FLT1: variants seen among roughly 807,000 people sequenced by gnomAD.
FLT1 encodes vascular endothelial growth factor receptor 1.
FLT1 carries 49 observed loss-of-function variants against 156.3 expected under a neutral mutation model. The ratio of observed to expected loss-of-function variants is 0.31; its 90% CI spans 0.25 to 0.40. The LOEUF (loss-of-function observed/expected upper bound fraction) is 0.40. Ranked by LOEUF, FLT1 falls within the 10% of genes least tolerant of loss-of-function variation. The pLI, the probability that FLT1 is intolerant of heterozygous loss-of-function variation, is 1.00. For synonymous variants in FLT1, 594 were observed against 583.8 expected, an observed-to-expected ratio of 1.02 and a Z score of -0.25; for missense variants, 1,322 against 1,637.2, an observed-to-expected ratio of 0.81 and a Z score of 3.32.
chr13:28,337,279 T>G (rs1872153448), intron 17 of FLT1, among the ~76,000 whole-genome samples: 1 of 152,196 alleles, frequency 6.6e-6, no homozygotes, highest in African/African-American at 2.4e-5. Flanking sequence ...TCACTAGGGC[T>G]GCTGATAGTA....
intron 10 of FLT1, among the ~76,000 whole-genome samples, chr13:28,426,423 A>C (rs998889852): frequency 3.3e-5 from 5 of 152,224 alleles, no homozygotes; most frequent in African/African-American, 1.2e-4. Flanking sequence ...TTCATTTAGC[A>C]AATATACACT....
chr13:28,310,838 A>G (rs1439230373), intron 27 of FLT1, among the ~76,000 whole-genome samples: 1 of 152,364 alleles, frequency 6.6e-6, no homozygotes, highest in African/African-American at 2.4e-5. Context: ...TAAGATAGAC[A>G]AGAAACTTAA....
At chr13:28,334,480 C>T (rs922489658) in intron 17 of FLT1, among the ~76,000 whole-genome samples, 3 of 152,154 alleles carry the variant, frequency 2.0e-5, no homozygotes, top group Non-Finnish European at 4.4e-5. Flanking sequence ...AGAAGACTTC[C>T]CTGTGTGGAA....
Position 28,431,119 on chromosome 13 carries a change from C to T in FLT1, c.988+17G>A, listed in dbSNP as rs757791811. On this transcript the variant is annotated intron_variant, in intron 7 of 29. Transcript: ENST00000282397. The stretch of plus-strand genomic sequence containing the variant: ...TAGAAAGCATAGCATGAGTTGGCAA[C>T]GCTGAACTATGCTTACCATATATAT... The T allele has an allele frequency of 2.4e-5, 39 of 1,603,612 alleles. No individual in the cohort carries two copies. The highest frequency in any genetic ancestry group is 1.3e-4 in the Admixed American group (8 of 60,000).
chr13:28,309,364 G>A (rs986453533), intron 27 of FLT1, among the ~76,000 whole-genome samples: 4 of 120,276 alleles, frequency 3.3e-5, no homozygotes, highest in Non-Finnish European at 7.2e-5. Context: ...TGGCATAATC[G>A]AGTGCTAGCG....
chr13:28,414,300 C>T (rs1340854750), intron 10 of FLT1, among the ~76,000 whole-genome samples: 1 of 152,206 alleles, frequency 6.6e-6, no homozygotes, highest in Non-Finnish European at 1.5e-5. Context: ...CCATACTAGT[C>T]TTACACATTT....
chr13:28,417,479 C>T (rs2137520634), intron 10 of FLT1, among the ~76,000 whole-genome samples: 1 of 152,268 alleles, frequency 6.6e-6, no homozygotes, highest in East Asian at 1.9e-4. Context: ...AGATTATAAG[C>T]ACCTCCCATG....
At chr13:28,379,493 C>T (rs1413825308) in intron 14 of FLT1, among the ~76,000 whole-genome samples, 1 of 152,140 alleles carries the variant, frequency 6.6e-6, no homozygotes, top group East Asian at 1.9e-4. Flanking sequence ...TGTCAGGGCG[C>T]AGCAGGAAGT....
rs925643180 is a variant in FLT1, at chr13:28,495,120, G to C, written c.-277C>G. 2.3e-6 allele frequency: 1 copy of C among 440,374 alleles called. No homozygotes were observed. Among genetic ancestry groups the C allele is most frequent in the East Asian group, 3.7e-5 (1 of 26,798 alleles). 27.3% of individuals were successfully genotyped at this position (440,374 alleles called of 1,614,324 possible). A position where few individuals can be genotyped will look rare whatever the true frequency, so the allele number is the denominator to read the frequency against. On this transcript the variant is annotated 5_prime_UTR_variant, in exon 1 of 30. Transcript: ENST00000282397. This position sits in a 1 kb window ranked among gnomAD's most constrained non-coding sequence, Gnocchi z 4.1. Reference sequence around the variant, plus strand: ...CCTGGCGCGCTCCGAGCCTCCCGCGGACCTCGATGAAGAGCAGCCGAGGGC... The same window carrying C: ...CCTGGCGCGCTCCGAGCCTCCCGCGCACCTCGATGAAGAGCAGCCGAGGGC...
At position 28,313,092 on chromosome 13, in the gene FLT1, C is replaced by T. The variant is rs997480022; in HGVS notation, c.3387-994G>A. Among the ~76,000 whole-genome samples, 3 of 152,240 alleles carry T rather than the reference C, an allele frequency of 2.0e-5. No individual in the cohort carries two copies. In the East Asian group the frequency reaches 5.8e-4, roughly 29 times the overall value. ...CTCCCAGGTTCAAGCGATCCTCCTGCCTTAGCCTCCTGAGTAGCTGGGATC... is the reference window on the plus strand; with the variant it reads ...CTCCCAGGTTCAAGCGATCCTCCTGTCTTAGCCTCCTGAGTAGCTGGGATC... On this transcript the variant is annotated intron_variant, in intron 25 of 29. Transcript: ENST00000282397.
intron 17 of FLT1, 90 bp from the exon 18 acceptor site, chr13:28,334,219 T>C: frequency 1.2e-6 from 1 of 851,400 alleles, no homozygotes; most frequent in Non-Finnish European, 2.1e-6. Context: ...TTCCTATGTG[T>C]GCATGTGAGG....
At chr13:28,391,906 A>T (rs924935827) in intron 12 of FLT1, among the ~76,000 whole-genome samples, 2 of 152,166 alleles carry the variant, frequency 1.3e-5, no homozygotes, top group Non-Finnish European at 2.9e-5. Context: ...CCCATTGCTT[A>T]TTACTAGTGG....
intron 15 of FLT1, among the ~76,000 whole-genome samples, chr13:28,347,485 C>T (rs2138861553): frequency 6.6e-6 from 1 of 152,212 alleles, no homozygotes; most frequent in South Asian, 2.1e-4. Flanking sequence ...CGCACCACTG[C>T]ACTCCATCCT....
intron 15 of FLT1, among the ~76,000 whole-genome samples, chr13:28,356,813 G>A (rs1157171175): frequency 6.6e-6 from 1 of 152,136 alleles, no homozygotes; most frequent in East Asian, 1.9e-4. Flanking sequence ...CATCTAAGAG[G>A]TGCCAATCTG....
rs1052020524 is a variant in FLT1 at position 28,384,736 on chromosome 13, T to C, written c.2116+149A>G. On this transcript the variant is annotated intron_variant, in intron 14 of 29. Coordinates refer to ENST00000282397, the MANE Select transcript of FLT1 (RefSeq NM_002019.4). ...TGGCCCAAATATTCCTCACTGGACA[T>C]TGCTATCAGCATGAACCAGATCCCA... 23 of 763,480 alleles carry C rather than the reference T, an allele frequency of 3.0e-5. No individual in the cohort carries two copies. In the African/African-American group the frequency reaches 3.1e-4, roughly 10 times the overall value. The allele number at this position is 763,480 out of a possible 1,614,324, so 47.3% of individuals were successfully genotyped here.
rs376578526 is a variant in FLT1 at position 28,493,519 on chromosome 13, T to TTTGTTG, written c.64+1255_64+1260dup. 3.3e-5 allele frequency among the ~76,000 whole-genome samples: 5 copies of TTTGTTG among 152,050 alleles called. No individual in the cohort carries two copies. The South Asian group carries it at 6.2e-4, about 19-fold the overall frequency. ...ACTGCTTTTTGGGTTTAACAAGCTT[T>TTTGTTG]TTGTTGTTGTTGTTGTTGTACTACG... On this transcript the variant is annotated intron_variant, in intron 1 of 29. Transcript: ENST00000282397.
At chr13:28,478,846 T>G (rs1174724295) in intron 1 of FLT1, among the ~76,000 whole-genome samples, 1 of 152,234 alleles carries the variant, frequency 6.6e-6, no homozygotes, top group Non-Finnish European at 1.5e-5. Context: ...CCAAAAATGT[T>G]ATTATAGCAA....
At chr13:28,468,555 T>G (rs553801787) in intron 1 of FLT1, among the ~76,000 whole-genome samples, 281 of 152,318 alleles carry the variant, frequency 1.8e-3, no homozygotes, top group African/African-American at 6.3e-3. Flanking sequence ...ATGCTGACCC[T>G]CCAATTCTGA....
At chr13:28,334,822 A>G (rs1266620370) in intron 17 of FLT1, among the ~76,000 whole-genome samples, 2 of 152,142 alleles carry the variant, frequency 1.3e-5, no homozygotes, top group African/African-American at 4.8e-5. Context: ...CTATGCTATA[A>G]TGACTGTTAA....
Sources: gnomAD v4.1 joint callset for allele counts (sites outside exome capture counted in the v4.1 genomes callset) on GRCh38, gnomAD v4.1.1 for gene constraint, Gnocchi (gnomAD v3.1) non-coding constraint, MANE v1.5 for transcripts, NCBI Gene and HGNC (gene_info 2026-07-23, HGNC 2026-07-21) for gene names.